FNDC3B: variants seen among roughly 807,000 people sequenced by gnomAD.
FNDC3B encodes the protein fibronectin type III domain containing 3B, also known as fibronectin type III domain-containing protein 3B.
Under a neutral mutation model 151.5 loss-of-function variants are expected in FNDC3B, and 12 were observed. The ratio of observed to expected loss-of-function variants is 0.08; its 90% CI spans 0.05 to 0.13. The LOEUF is 0.13. FNDC3B is among the 10% of genes least tolerant of loss of function. The pLI, the probability that FNDC3B is intolerant of heterozygous loss-of-function variation, is 1.00. For synonymous variants in FNDC3B, 528 were observed against 549.0 expected (o/e 0.96, Z 0.54); for missense variants, 1,214 against 1,505.3 (o/e 0.81, Z 3.20).
chr3:172,296,916 C>G (rs1255405451), intron 8 of FNDC3B, among the ~76,000 whole-genome samples: 1 of 152,094 alleles, frequency 6.6e-6, no homozygotes, highest in East Asian at 1.9e-4. Context: ...GGTACTGATT[C>G]CTTGTGTATA....
At chr3:172,148,441 A>T (rs1428489441) in intron 3 of FNDC3B, 1 of 152,128 alleles carries the variant, frequency 6.6e-6, no homozygotes, top group Non-Finnish European at 1.5e-5. Flanking sequence ...AAATGGGAAA[A>T]TTTTAAAGCA....
chr3:172,183,565 G>A (rs997229380), intron 3 of FNDC3B, among the ~76,000 whole-genome samples: 1 of 152,106 alleles, frequency 6.6e-6, no homozygotes, highest in Non-Finnish European at 1.5e-5. Context: ...AATCCGTTTT[G>A]TCTTCAGGTA....
In FNDC3B at chr3:172,247,388, G is replaced by A. The variant is rs1412968135; in HGVS notation, c.265-145G>A. On this transcript the variant is annotated intron_variant, in intron 4 of 25. Transcript: ENST00000415807. ...ACTTCTAGAACTCATTTGACTGGTT[G>A]AACTAGAGAACCAGAATACAACATG... The A allele has an allele frequency of 7.3e-6, 6 of 818,852 alleles. No individual in the cohort carries two copies. In the Admixed American group the frequency reaches 1.1e-4, roughly 15 times the overall value. 50.7% of individuals were successfully genotyped at this position (818,852 alleles called of 1,614,324 possible). A position where few individuals can be genotyped will look rare whatever the true frequency, so the allele number is the denominator to read the frequency against.
chr3:172,323,543 A>G (rs1732193684), intron 11 of FNDC3B, among the ~76,000 whole-genome samples: 1 of 152,176 alleles, frequency 6.6e-6, no homozygotes, highest in Non-Finnish European at 1.5e-5. Flanking sequence ...AAAAAGTAGA[A>G]TATTTGGAAA....
intron 3 of FNDC3B, among the ~76,000 whole-genome samples, chr3:172,155,345 G>A (rs1398847054): frequency 6.6e-6 from 1 of 152,174 alleles, no homozygotes; most frequent in Non-Finnish European, 1.5e-5. Context: ...ATTGTTGGAT[G>A]AGTTTTGGTA....
At chr3:172,274,981 C>G (rs1275911108) in intron 6 of FNDC3B, among the ~76,000 whole-genome samples, 1 of 152,104 alleles carries the variant, frequency 6.6e-6, no homozygotes, top group African/African-American at 2.4e-5. Context: ...TTTTGGTCAT[C>G]CATTTTTTTT....
At chr3:172,176,058 T>G (rs9840269) in intron 3 of FNDC3B, among the ~76,000 whole-genome samples, 15,581 of 152,246 alleles carry the variant, frequency 0.1, 994 homozygotes, top group East Asian at 0.22. Context: ...AGCAATAAAA[T>G]CCTGTGTTCC....
At chr3:172,333,225 C>A in intron 14 of FNDC3B, 50 bp downstream of exon 14, 1 of 1,152,694 alleles carries the variant, frequency 8.7e-7, no homozygotes, top group Non-Finnish European at 1.3e-6. Flanking sequence ...AAACTGTTTT[C>A]TATTTCACCA....
At chr3:172,343,779 C>T (rs999545613) in intron 18 of FNDC3B, among the ~76,000 whole-genome samples, 1 of 152,108 alleles carries the variant, frequency 6.6e-6, no homozygotes, top group African/African-American at 2.4e-5. Flanking sequence ...TTTTTCTTCC[C>T]TCTTTTTCTT....
At chr3:172,093,094 A>G (rs1286485034) in intron 1 of FNDC3B, among the ~76,000 whole-genome samples, 1 of 151,666 alleles carries the variant, frequency 6.6e-6, no homozygotes, top group Non-Finnish European at 1.5e-5. Flanking sequence ...CTGGGATTAC[A>G]GGCATGAGCC....
rs573390724 is a variant in FNDC3B, at chr3:172,391,711, C to G, written c.3304-5453C>G. Among the ~76,000 whole-genome samples the G allele has an allele frequency of 2.6e-3, 401 of 152,234 alleles. 1 individual carries two copies. The highest frequency in any genetic ancestry group is 0.012 in the South Asian group (58 of 4,820). ...ACATCCCAACATTAACTTATCGCCACCATAGAGTGTCAGAATAAATAGTAT... is the reference window on the plus strand; with the variant it reads ...ACATCCCAACATTAACTTATCGCCAGCATAGAGTGTCAGAATAAATAGTAT... On this transcript the variant is annotated intron_variant, in intron 25 of 25. Coordinates refer to ENST00000415807, the MANE Select transcript of FNDC3B (RefSeq NM_022763.4).
chr3:172,144,707 C>CT (rs11328556), intron 3 of FNDC3B, among the ~76,000 whole-genome samples: 27 of 149,048 alleles, frequency 1.8e-4, no homozygotes, highest in African/African-American at 9.9e-5. Context: ...AAAAGGCAAA[C>CT]TTTTTTTTTT....
At chr3:172,060,137 C>G (rs889817446) in intron 1 of FNDC3B, among the ~76,000 whole-genome samples, 4 of 152,134 alleles carry the variant, frequency 2.6e-5, no homozygotes, top group African/African-American at 9.7e-5. Context: ...AGAGAGAACC[C>G]TCATAGTCAG....
intron 23 of FNDC3B, among the ~76,000 whole-genome samples, chr3:172,365,511 C>T (rs557214700): frequency 6.6e-6 from 1 of 152,248 alleles, no homozygotes; most frequent in East Asian, 1.9e-4. Flanking sequence ...TAAAAGGGAT[C>T]CCAAAGAGCA....
intron 4 of FNDC3B, among the ~76,000 whole-genome samples, chr3:172,246,849 ATCT>A (rs1234272708): frequency 6.6e-6 from 1 of 152,262 alleles, no homozygotes; most frequent in African/African-American, 2.4e-5. Flanking sequence ...TTTTCCAAGC[ATCT>A]TCTTTCACAA....
intron 3 of FNDC3B, among the ~76,000 whole-genome samples, chr3:172,140,512 A>T (rs1721571502): frequency 6.6e-6 from 1 of 152,240 alleles, no homozygotes; most frequent in South Asian, 2.1e-4. Flanking sequence ...ATTTGTTACA[A>T]GTAGACATTC....
At chr3:172,100,680 C>A (rs1170778263) in intron 1 of FNDC3B, among the ~76,000 whole-genome samples, 1 of 152,100 alleles carries the variant, frequency 6.6e-6, no homozygotes, top group Non-Finnish European at 1.5e-5. Flanking sequence ...TGTGAAATTT[C>A]TGTTTCGGTC....
rs751205262 is a variant in FNDC3B at position 172,341,168 on chromosome 3, C to G, written c.1908C>G (p.His636Gln). ...CGGCTACCGAATACACCTTCACCCA[C>G]TTGAAACCAGGCACTTTGTACAAAC... ...SGSATEYTFT[H>Q]LKPGTLYKLR... Residue 636 changes from histidine (H) to glutamine (Q), a missense_variant, in exon 17 of 26, where the codon CAC becomes CAG. By Grantham distance (24) the His-to-Gln change is conservative. Transcript: ENST00000415807. 2.0e-5 allele frequency: 33 copies of G among 1,614,214 alleles called. No individual in the cohort carries two copies. Among genetic ancestry groups the G allele is most frequent in the Non-Finnish European group, 2.8e-5 (33 of 1,180,032 alleles).
chr3:172,101,797 T>C (rs1719390863), intron 1 of FNDC3B, among the ~76,000 whole-genome samples: 1 of 152,242 alleles, frequency 6.6e-6, no homozygotes, highest in Non-Finnish European at 1.5e-5. Flanking sequence ...TGGTTTCTGC[T>C]AGTTTTTTCC....
Sources: allele counts gnomAD v4.1 joint callset (sites outside exome capture counted in the v4.1 genomes callset), GRCh38; gene constraint gnomAD v4.1.1; transcripts MANE v1.5; gene names NCBI Gene and HGNC (gene_info 2026-07-23, HGNC 2026-07-21).